PPP2R3B: variants seen among roughly 807,000 people sequenced by gnomAD.
The protein encoded by PPP2R3B is protein phosphatase 2 regulatory subunit B''beta.
PPP2R3B carries 68 observed loss-of-function variants against 72.9 expected under a neutral mutation model. The observed-to-expected ratio is 0.93, with a 90% CI of 0.77 to 1.14. The LOEUF is 1.14. Among genes scored for constraint, PPP2R3B ranks in the 50% most tolerant of loss-of-function variants. The probability of loss-of-function intolerance (pLI) is 0.00; values close to 1 mark genes in which losing one functional copy is unlikely to be tolerated. For missense variants in PPP2R3B, 1,018 were observed against 842.0 expected (o/e 1.21, Z -2.59); for synonymous variants, 466 against 375.8 (o/e 1.24, Z -2.78).
At chrX:352,452 G>A (rs1242395530) in intron 2 of PPP2R3B, among the ~76,000 whole-genome samples, 2 of 150,778 alleles carry the variant, frequency 1.3e-5, no homozygotes, top group African/African-American at 2.4e-5. Context: ...AACGGGACCC[G>A]GCCATCTGCG....
intron 1 of PPP2R3B, among the ~76,000 whole-genome samples, chrX:376,167 G>A (rs745722418): frequency 3.9e-4 from 59 of 152,096 alleles, no homozygotes; most frequent in South Asian, 1.2e-3. Flanking sequence ...CTGCAGCCTG[G>A]GGGACAAGAG....
intron 1 of PPP2R3B, among the ~76,000 whole-genome samples, chrX:371,853 T>C (rs997461254): frequency 9.1e-5 from 12 of 131,420 alleles, no homozygotes; most frequent in Non-Finnish European, 1.7e-4. Flanking sequence ...CTGTAATTCC[T>C]CCACCACCCC....
intron 2 of PPP2R3B, among the ~76,000 whole-genome samples, chrX:354,224 G>A (rs867220120): frequency 2.2e-5 from 3 of 134,474 alleles, no homozygotes; most frequent in Admixed American, 1.5e-4. Context: ...GCTCACCCAG[G>A]GACCGGGGGC....
chrX:362,869 C>T (rs886290458), intron 1 of PPP2R3B, among the ~76,000 whole-genome samples: 32 of 151,932 alleles, frequency 2.1e-4, no homozygotes, highest in Admixed American at 6.6e-4. Context: ...GCTACTGCCA[C>T]AGTATCCTCA....
chrX:385,538 T>C (rs1054356407), intron 1 of PPP2R3B, among the ~76,000 whole-genome samples: 4 of 151,984 alleles, frequency 2.6e-5, no homozygotes, highest in African/African-American at 9.7e-5. Flanking sequence ...TACAGTGGGA[T>C]TTTGGGAGGC....
At chrX:368,696 C>T (rs186967588) in intron 1 of PPP2R3B, among the ~76,000 whole-genome samples, 1,599 of 20,376 alleles carry the variant, frequency 0.078, 15 homozygotes, top group African/African-American at 0.13. Flanking sequence ...ACCACCCACC[C>T]TGGGCACCGA....
At position 334,810 on chromosome X, in the gene PPP2R3B, C is replaced by T. The variant is rs748937974; in HGVS notation, c.1578-293G>A. On this transcript the variant is annotated intron_variant, in intron 12 of 12. Transcript: ENST00000390665. ...GGGCGGGCGCGCCTCTTCCCCAAAG[C>T]GAGCTGCACGGGACCTGTGTTTACA... 73 of 362,306 alleles carry T rather than the reference C, an allele frequency of 2.0e-4. No individual in the cohort carries two copies. In the East Asian group the frequency reaches 2.7e-3, roughly 14 times the overall value. 22.4% of individuals were successfully genotyped at this position (362,306 alleles called of 1,614,324 possible).
At chrX:352,367 C>G (rs1374621825) in intron 2 of PPP2R3B, among the ~76,000 whole-genome samples, 1 of 152,268 alleles carries the variant, frequency 6.6e-6, no homozygotes, top group African/African-American at 2.4e-5. Context: ...CCCTTCGGCC[C>G]CTCCGCAGTC....
intron 1 of PPP2R3B, among the ~76,000 whole-genome samples, chrX:380,942 T>TC (rs943130229): frequency 6.6e-6 from 1 of 151,550 alleles, no homozygotes; most frequent in African/African-American, 2.4e-5. Flanking sequence ...TTCTTTCTTT[T>TC]TTTTTTTTTT....
chrX:361,583 G>A lies in PPP2R3B; in HGVS notation c.332C>T (p.Thr111Ile). Residue 111 changes from threonine (T) to isoleucine (I), a missense_variant, in exon 2 of 13, where the codon ACA (threonine) becomes ATA (isoleucine). Coordinates refer to ENST00000390665, the MANE Select transcript of PPP2R3B (RefSeq NM_013239.5). ...RRSAGTRVVQ[T>I]RKEEPLPPAT... ...CGGGGGCAGAGGCTCTTCTTTCCGT[G>A]TCTGAACCTGAAGAGTCGACAGACA... The A allele has an allele frequency of 6.2e-7, 1 of 1,613,904 alleles. No individual in the cohort carries two copies. Among genetic ancestry groups the A allele is most frequent in the Non-Finnish European group, 8.5e-7 (1 of 1,179,782 alleles).
rs1293019169 is a variant in PPP2R3B at position 361,308 on chromosome X, C to T, written c.510+97G>A. ...CTCCTCGGCCGTGCCGCCTCACTCACGCTCGTGTGACACGCACCCACCACG... is the reference window on the plus strand; with the variant it reads ...CTCCTCGGCCGTGCCGCCTCACTCATGCTCGTGTGACACGCACCCACCACG... On this transcript the variant is annotated intron_variant, in intron 2 of 12. Coordinates refer to ENST00000390665, the MANE Select transcript of PPP2R3B (RefSeq NM_013239.5). The T allele has an allele frequency of 4.1e-5, 58 of 1,398,496 alleles. No individual in the cohort carries two copies. In the South Asian group the frequency reaches 5.6e-4, roughly 14 times the overall value. 86.6% of individuals were successfully genotyped at this position (1,398,496 alleles called of 1,614,324 possible). A position where few individuals can be genotyped will look rare whatever the true frequency, so the allele number is the denominator to read the frequency against.
intron 8 of PPP2R3B, 96 bp downstream of exon 8, chrX:341,787 C>T (rs1395303437): frequency 7.5e-6 from 10 of 1,335,492 alleles, no homozygotes; most frequent in South Asian, 3.5e-5. Context: ...CACTCGCTGT[C>T]GGGGCACAAA....
intron 1 of PPP2R3B, among the ~76,000 whole-genome samples, chrX:383,872 A>G (rs1247017037): frequency 6.7e-6 from 1 of 150,216 alleles, no homozygotes; most frequent in Non-Finnish European, 1.5e-5. Flanking sequence ...AAAAAACCAA[A>G]AAAACAAAAA....
rs1178231888 is a variant in PPP2R3B at position 385,320 on chromosome X, CTTTTTTTTTTTTTT to C, written c.324+1034_324+1047del. On this transcript the variant is annotated intron_variant, in intron 1 of 12. Transcript: ENST00000390665. ...CCTCCAAGTGCTTGTTTTTAGTTTT[CTTTTTTTTTTTTTT>C]TTTTTTTTTTTTGAGATGGAGTCTT... 1.9e-3 allele frequency among the ~76,000 whole-genome samples: 141 copies of C among 75,672 alleles called. 1 individual carries two copies. Among genetic ancestry groups the C allele is most frequent in the African/African-American group, 6.7e-3 (131 of 19,502 alleles). 49.6% of individuals were successfully genotyped at this position (75,672 alleles called of 152,430 possible). A position where few individuals can be genotyped will look rare whatever the true frequency, so the allele number is the denominator to read the frequency against.
intron 2 of PPP2R3B, among the ~76,000 whole-genome samples, chrX:352,955 C>T (rs1236683329): frequency 6.6e-6 from 1 of 151,574 alleles, no homozygotes; most frequent in East Asian, 1.9e-4. Flanking sequence ...ACCCAAGTCT[C>T]ACGGGGAACT....
chrX:383,841 A>G (rs1228473724), intron 1 of PPP2R3B, among the ~76,000 whole-genome samples: 1 of 109,556 alleles, frequency 9.1e-6, no homozygotes, highest in Non-Finnish European at 1.8e-5. Flanking sequence ...CCGTCTCAAA[A>G]AAAAAAAAAA....
rs1158950110 is a variant in PPP2R3B, at chrX:334,432, AG to A, written c.1662del (p.Ser555HisfsTer58). On this transcript the variant is annotated frameshift_variant, in exon 13 of 13. Transcript: ENST00000390665. LOFTEE classifies it high-confidence loss of function. ...TACAGGTCCACGGCGCCCAGCGGTG[AG>A]GGCGCCTCGAAGAAGGGCCTCTGGG... The part of the protein sequence containing the change: ...PLAQRPFFEA[P>X]SPLGAVDLYE... The A allele has an allele frequency of 6.3e-7, 1 of 1,595,310 alleles. No homozygotes were observed. Among genetic ancestry groups the A allele is most frequent in the Non-Finnish European group, 8.5e-7 (1 of 1,175,988 alleles).
At chrX:347,744 G>A (rs1441942240) in intron 2 of PPP2R3B, 51 bp from the exon 3 acceptor site, 19 of 1,376,074 alleles carry the variant, frequency 1.4e-5, no homozygotes, top group Admixed American at 5.6e-5. Flanking sequence ...GGACGCCGGC[G>A]CTCCTGCTGC....
At chrX:350,888 A>T (rs2738407) in intron 2 of PPP2R3B, among the ~76,000 whole-genome samples, 1 of 152,036 alleles carries the variant, frequency 6.6e-6, no homozygotes, top group Non-Finnish European at 1.5e-5. Context: ...GAGCCTGCAC[A>T]GATGGGGACG....
Sources: gnomAD v4.1 joint callset for allele counts (sites outside exome capture counted in the v4.1 genomes callset) on GRCh38, gnomAD v4.1.1 for gene constraint, MANE v1.5 for transcripts, NCBI Gene and HGNC (gene_info 2026-07-23, HGNC 2026-07-21) for gene names.